The following ERO1A variants were observed in gnomAD, a reference collection of about 807,000 sequenced individuals.
ERO1A encodes endoplasmic reticulum oxidoreductase 1 alpha.
A neutral mutation model predicts 76.9 loss-of-function variants in ERO1A; 49 were observed. That is an observed-to-expected ratio of 0.64 (90% CI 0.51 to 0.81). The LOEUF (loss-of-function observed/expected upper bound fraction) is 0.81. Among genes scored for constraint, ERO1A ranks in the 30% least tolerant of loss-of-function variants. ERO1A has a pLI of 0.00. For missense variants in ERO1A, 448 were observed against 542.1 expected, an observed-to-expected ratio of 0.83 and a Z score of 1.72; for synonymous variants, 174 against 181.2, an observed-to-expected ratio of 0.96 and a Z score of 0.32.
intron 9 of ERO1A, chr14:52,658,374 C>G (rs1381801074): frequency 4.2e-6 from 2 of 471,076 alleles, no homozygotes; most frequent in Admixed American, 4.1e-5. Context: ...TTTAGCATTG[C>G]CTTAGGTTGA....
intron 1 of ERO1A, among the ~76,000 whole-genome samples, chr14:52,684,879 C>T (rs2041129908): frequency 6.6e-6 from 1 of 151,452 alleles, no homozygotes; most frequent in African/African-American, 2.4e-5. Context: ...AGAAAAACAT[C>T]TAATAGAACT....
intron 4 of ERO1A, among the ~76,000 whole-genome samples, chr14:52,675,219 A>C (rs2040741673): frequency 6.6e-6 from 1 of 152,096 alleles, no homozygotes; most frequent in South Asian, 2.1e-4. Context: ...CCCCGTCTCT[A>C]CTAAAAATAC....
intron 8 of ERO1A, among the ~76,000 whole-genome samples, chr14:52,661,745 C>A (rs1220803053): frequency 1.3e-5 from 2 of 151,980 alleles, no homozygotes; most frequent in Non-Finnish European, 1.5e-5. Context: ...TAATATTTAA[C>A]CTTAGTCGGG....
intron 6 of ERO1A, among the ~76,000 whole-genome samples, chr14:52,668,168 A>G (rs2040474575): frequency 6.6e-6 from 1 of 152,216 alleles, no homozygotes; most frequent in Non-Finnish European, 1.5e-5. Flanking sequence ...AGGAATGGAT[A>G]ACTGTTCATT....
chr14:52,679,138 C>A (rs1464168167), intron 3 of ERO1A, among the ~76,000 whole-genome samples: 1 of 152,110 alleles, frequency 6.6e-6, no homozygotes, highest in Non-Finnish European at 1.5e-5. Context: ...GACGCTGGCA[C>A]CATGCTTCTT....
chr14:52,650,600 ATGT>A (rs1232899303), intron 13 of ERO1A, among the ~76,000 whole-genome samples: 1 of 152,042 alleles, frequency 6.6e-6, no homozygotes, highest in Non-Finnish European at 1.5e-5. Flanking sequence ...ATATATATGT[ATGT>A]ATATATAAAA....
chr14:52,693,153 C>T (rs2041415553), intron 1 of ERO1A, among the ~76,000 whole-genome samples: 2 of 151,974 alleles, frequency 1.3e-5, no homozygotes, highest in African/African-American at 4.8e-5. Context: ...TTGAGGCAGA[C>T]TCTCACTTTG....
At chr14:52,694,980 T>C (rs796073066) in intron 1 of ERO1A, among the ~76,000 whole-genome samples, 5 of 152,354 alleles carry the variant, frequency 3.3e-5, no homozygotes, top group African/African-American at 9.6e-5. Context: ...GCACAGGTAC[T>C]GGGTACACAA....
intron 15 of ERO1A, among the ~76,000 whole-genome samples, chr14:52,645,128 CAA>C (rs2039602313): frequency 6.6e-6 from 1 of 151,818 alleles, no homozygotes; most frequent in Non-Finnish European, 1.5e-5. Context: ...GGTGAGTTCA[CAA>C]AGAGATTTAC....
chr14:52,677,751 T>G (rs970862835), intron 4 of ERO1A, among the ~76,000 whole-genome samples: 1 of 150,748 alleles, frequency 6.6e-6, no homozygotes, highest in African/African-American at 2.4e-5. Flanking sequence ...CACTCTCAGC[T>G]ACTCGGAAAG....
intron 12 of ERO1A, 82 bp from the exon 13 acceptor site, chr14:52,652,390 GATAA>G: frequency 1.1e-6 from 1 of 890,578 alleles, no homozygotes; most frequent in Non-Finnish European, 1.8e-6. Context: ...TACTGGTCAT[GATAA>G]ATAAAGAGGA....
At position 52,640,119 on chromosome 14, in the gene ERO1A, A is replaced by G. The variant is rs2039422832; in HGVS notation, c.*3451T>C. ...CCAAAAACTATGCTATGGAGATGCA[A>G]AAAATAAAAAGGTTCCTTTTCCTGC... On this transcript the variant is annotated 3_prime_UTR_variant, in exon 16 of 16. Transcript: ENST00000395686. 6.6e-6 allele frequency: 1 copy of G among 152,268 alleles called. No individual in the cohort carries two copies. Among genetic ancestry groups the G allele is most frequent in the Non-Finnish European group, 1.5e-5 (1 of 68,046 alleles). 9.4% of individuals were successfully genotyped at this position (152,268 alleles called of 1,614,324 possible).
rs375314168 is a variant in ERO1A at position 52,646,117 on chromosome 14, T to C, written c.1346+37A>G. ...AGCATATATGTTGCATTAGACTTACTTGGCTACCAGAAGCATTTCAGTACA... is the reference window on the plus strand; with the variant it reads ...AGCATATATGTTGCATTAGACTTACCTGGCTACCAGAAGCATTTCAGTACA... On this transcript the variant is annotated intron_variant, in intron 15 of 15. Transcript: ENST00000395686. 33 of 1,581,602 alleles carry C rather than the reference T, an allele frequency of 2.1e-5. No individual in the cohort carries two copies. In the African/African-American group the frequency reaches 4.5e-4, roughly 22 times the overall value.
chr14:52,692,005 C>T (rs969502576), intron 1 of ERO1A, among the ~76,000 whole-genome samples: 8 of 152,340 alleles, frequency 5.3e-5, no homozygotes, highest in Admixed American at 3.3e-4. Context: ...AACTAACAGG[C>T]ATATGTAGCA....
chr14:52,686,552 G>A (rs1336763065), intron 1 of ERO1A, among the ~76,000 whole-genome samples: 1 of 150,394 alleles, frequency 6.6e-6, no homozygotes, highest in Admixed American at 6.6e-5. Flanking sequence ...CAAAGGGAAA[G>A]AAGGCAGGAT....
chr14:52,640,566 A>G lies in ERO1A; in HGVS notation c.*3004T>C, dbSNP rs1350789470. On this transcript the variant is annotated 3_prime_UTR_variant, in exon 16 of 16. Transcript: ENST00000395686. ...GGATATTAGGGAGTAACACTGTCAG[A>G]GTGCTTCTAGAAAGCCTGCTGTGGT... The G allele has an allele frequency of 1.3e-5, 2 of 152,290 alleles. No individual in the cohort carries two copies. The highest frequency in any genetic ancestry group is 2.9e-5 in the Non-Finnish European group (2 of 68,090). The allele number at this position is 152,290 out of a possible 1,614,324, so 9.4% of individuals were successfully genotyped here.
At chr14:52,648,844 T>C (rs2039759141) in intron 13 of ERO1A, among the ~76,000 whole-genome samples, 1 of 152,180 alleles carries the variant, frequency 6.6e-6, no homozygotes, top group African/African-American at 2.4e-5. Context: ...CTGCTTACAA[T>C]AGCCAAATAA....
chr14:52,654,415 TA>T (rs2039976346), intron 11 of ERO1A, among the ~76,000 whole-genome samples: 1 of 152,138 alleles, frequency 6.6e-6, no homozygotes, highest in Non-Finnish European at 1.5e-5. Flanking sequence ...CATAAGCCTG[TA>T]TTTTTTTTTA....
chr14:52,680,897 A>G (rs1343505476), intron 3 of ERO1A, among the ~76,000 whole-genome samples: 1 of 152,224 alleles, frequency 6.6e-6, no homozygotes, highest in Non-Finnish European at 1.5e-5. Flanking sequence ...AGTCTGTGTA[A>G]CAATATTTAC....
Sources: gnomAD v4.1 joint callset for allele counts (sites outside exome capture counted in the v4.1 genomes callset) on GRCh38, gnomAD v4.1.1 for gene constraint, MANE v1.5 for transcripts, NCBI Gene and HGNC (gene_info 2026-07-23, HGNC 2026-07-21) for gene names.